FANK1: variants seen among roughly 807,000 people sequenced by gnomAD.
The protein encoded by FANK1 is fibronectin type 3 and ankyrin repeat domains protein 1.
A neutral mutation model predicts 45.3 loss-of-function variants in FANK1; 44 were observed. The observed-to-expected ratio is 0.97, with a 90% CI of 0.76 to 1.25. The LOEUF is 1.25. Ranked by LOEUF, FANK1 falls within the 50% of genes most tolerant of loss-of-function variation. The pLI is 0.00. For missense variants in FANK1, 391 were observed against 424.4 expected (o/e 0.92, Z 0.69); for synonymous variants, 149 against 152.5 (o/e 0.98, Z 0.17).
Position 125,970,161 on chromosome 10 carries a change from C to T in FANK1, c.14-10000C>T, listed in dbSNP as rs1235047171. Among the ~76,000 whole-genome samples the T allele has an allele frequency of 2.6e-5, 4 of 152,278 alleles. No individual in the cohort carries two copies. In the East Asian group the frequency reaches 7.8e-4, roughly 30 times the overall value. ...TGGGTACACCTCCCAGACGGGGTGG[C>T]GGCCGGGCAGAGGGGCTTCTCACTT... is the stretch of plus-strand genomic sequence containing the variant. On this transcript the variant is annotated intron_variant, in intron 1 of 10. Transcript: ENST00000368693.
chr10:125,943,261 T>C (rs1469858590), intron 1 of FANK1, among the ~76,000 whole-genome samples: 2 of 152,192 alleles, frequency 1.3e-5, no homozygotes, highest in South Asian at 2.1e-4. Context: ...CATTTTTTTT[T>C]CTAAACTAGC....
chr10:125,945,929 G>A (rs966814945), intron 1 of FANK1, among the ~76,000 whole-genome samples: 1 of 152,202 alleles, frequency 6.6e-6, no homozygotes, highest in Non-Finnish European at 1.5e-5. Flanking sequence ...GCCTCCTCAA[G>A]TGGGTCCCTG....
At chr10:125,922,012 CT>C (rs1434421965) in intron 1 of FANK1, among the ~76,000 whole-genome samples, 2 of 151,948 alleles carry the variant, frequency 1.3e-5, no homozygotes, top group Admixed American at 6.6e-5. Context: ...TTATTTGGTT[CT>C]TTTTTTACTT....
At chr10:125,968,338 C>T (rs903343786) in intron 1 of FANK1, among the ~76,000 whole-genome samples, 1 of 152,206 alleles carries the variant, frequency 6.6e-6, no homozygotes, top group Middle Eastern at 3.4e-3. Flanking sequence ...TGACAGCCAC[C>T]ACTGTTCTCA....
intron 1 of FANK1, among the ~76,000 whole-genome samples, chr10:125,945,559 G>A (rs927312893): frequency 1.3e-5 from 2 of 152,150 alleles, no homozygotes; most frequent in African/African-American, 2.4e-5. Context: ...AAAAAACGGC[G>A]AACCACGAGA....
At chr10:125,964,599 T>C (rs1950111261) in intron 1 of FANK1, among the ~76,000 whole-genome samples, 1 of 152,234 alleles carries the variant, frequency 6.6e-6, no homozygotes, top group Non-Finnish European at 1.5e-5. Context: ...ATTTTAACTT[T>C]AGTCTTAACT....
chr10:125,990,285 T>C (rs911571547), intron 3 of FANK1, among the ~76,000 whole-genome samples: 5 of 152,198 alleles, frequency 3.3e-5, no homozygotes, highest in African/African-American at 9.7e-5. Flanking sequence ...TCAGTGTGTG[T>C]GCCTGTGGCC....
intron 1 of FANK1, among the ~76,000 whole-genome samples, chr10:125,970,154 G>A (rs1424314013): frequency 6.6e-6 from 1 of 152,186 alleles, no homozygotes; most frequent in Admixed American, 6.5e-5. Flanking sequence ...CCTCCCAGAC[G>A]GGGTGGCGGC....
chr10:125,917,427 C>T (rs1181777426), intron 1 of FANK1, among the ~76,000 whole-genome samples: 2 of 152,164 alleles, frequency 1.3e-5, no homozygotes, highest in Non-Finnish European at 2.9e-5. Context: ...ATTCATGAAT[C>T]ATGAATAAAA....
rs576695579 is a variant in FANK1, at chr10:126,000,630, C to T, written c.539+3145C>T. On this transcript the variant is annotated intron_variant, in intron 6 of 10. Coordinates refer to ENST00000368693, the MANE Select transcript of FANK1 (RefSeq NM_145235.5). ...AACCATAAAAAATGACCAGAAAACACAGAGGCATAATTATTTTATCTTGTA... is the reference window on the plus strand; with the variant it reads ...AACCATAAAAAATGACCAGAAAACATAGAGGCATAATTATTTTATCTTGTA... Among the ~76,000 whole-genome samples the T allele has an allele frequency of 1.2e-4, 18 of 152,130 alleles. No homozygotes were observed. The South Asian group carries it at 3.1e-3, about 26-fold the overall frequency.
At chr10:125,994,447 C>G (rs554301750) in intron 3 of FANK1, 1 of 985,134 alleles carries the variant, frequency 1.0e-6, no homozygotes, top group South Asian at 4.7e-5. Context: ...AAACTCTTGC[C>G]GTTTGCGGAT....
At chr10:125,915,226 G>C (rs1284135905) in intron 1 of FANK1, among the ~76,000 whole-genome samples, 1 of 151,838 alleles carries the variant, frequency 6.6e-6, no homozygotes, top group Non-Finnish European at 1.5e-5. Context: ...ATTTGTTAAA[G>C]GGTAACTTTT....
At chr10:125,912,380 G>A (rs1946086403) in intron 1 of FANK1, among the ~76,000 whole-genome samples, 1 of 151,806 alleles carries the variant, frequency 6.6e-6, no homozygotes, top group South Asian at 2.1e-4. Flanking sequence ...CCTTTAGCTT[G>A]GGGATCATCA....
intron 1 of FANK1, among the ~76,000 whole-genome samples, chr10:125,951,469 A>C (rs1949225006): frequency 6.6e-6 from 1 of 152,200 alleles, no homozygotes. Flanking sequence ...CAAGGATGAA[A>C]GTTCAAGGTA....
chr10:125,980,945 C>T (rs1951167377), intron 2 of FANK1: 1 of 152,636 alleles, frequency 6.6e-6, no homozygotes, highest in African/African-American at 2.4e-5. Context: ...CCTCCTGTAG[C>T]TCAGAACCTT....
intron 1 of FANK1, among the ~76,000 whole-genome samples, chr10:125,947,811 A>AT (rs1948920127): frequency 2.4e-5 from 3 of 127,124 alleles, no homozygotes; most frequent in South Asian, 5.7e-4. Flanking sequence ...CAGAATATAC[A>AT]TTTTTTTCAG....
chr10:125,916,469 G>A (rs1946455198), intron 1 of FANK1, among the ~76,000 whole-genome samples: 2 of 151,756 alleles, frequency 1.3e-5, no homozygotes, highest in African/African-American at 4.8e-5. Flanking sequence ...TGTGGGCGTA[G>A]GATAAATTCT....
In FANK1 at chr10:125,990,671, C is replaced by T. The variant is rs146411456; in HGVS notation, c.316+1996C>T. ...GGCAGGGGCTTCTGGCCGTCCTAGC[C>T]TGAGTTTACATGGGGTTGGAGTACC... On this transcript the variant is annotated intron_variant, in intron 3 of 10. Coordinates refer to ENST00000368693, the MANE Select transcript of FANK1 (RefSeq NM_145235.5). Among the ~76,000 whole-genome samples, 339 of 152,230 alleles carry T rather than the reference C, an allele frequency of 2.2e-3. 2 individuals carry two copies. Among genetic ancestry groups the T allele is most frequent in the African/African-American group, 7.9e-3 (327 of 41,540 alleles).
chr10:125,978,913 G>A (rs1951018809), intron 1 of FANK1, among the ~76,000 whole-genome samples: 2 of 152,152 alleles, frequency 1.3e-5, no homozygotes, highest in African/African-American at 4.8e-5. Context: ...CCAGAGCTAC[G>A]GCTACTTTTG....
Sources: allele counts gnomAD v4.1 joint callset (sites outside exome capture counted in the v4.1 genomes callset), GRCh38; gene constraint gnomAD v4.1.1; transcripts MANE v1.5; gene names NCBI Gene and HGNC (gene_info 2026-07-23, HGNC 2026-07-21).